THEMIS: variants seen among roughly 807,000 people sequenced by gnomAD.
THEMIS encodes protein THEMIS.
Under a neutral mutation model 52.6 loss-of-function variants are expected in THEMIS, and 37 were observed. That is an observed-to-expected ratio of 0.70 (90% CI 0.54 to 0.93). The LOEUF is 0.93. THEMIS is among the 40% of genes least tolerant of loss of function. The pLI, the probability that THEMIS is intolerant of heterozygous loss-of-function variation, is 0.00. For missense variants in THEMIS, 808 were observed against 763.1 expected, an observed-to-expected ratio of 1.06 and a Z score of -0.69; for synonymous variants, 292 against 272.7, an observed-to-expected ratio of 1.07 and a Z score of -0.70.
At chr6:127,712,959 T>G (rs1774033046) in intron 5 of THEMIS, among the ~76,000 whole-genome samples, 1 of 151,892 alleles carries the variant, frequency 6.6e-6, no homozygotes, top group Admixed American at 6.6e-5. Context: ...CCTAAAGTGT[T>G]AATTTGAAGG....
chr6:127,718,030 G>T (rs1398828967), intron 5 of THEMIS, among the ~76,000 whole-genome samples: 1 of 151,680 alleles, frequency 6.6e-6, no homozygotes, highest in African/African-American at 2.4e-5. Flanking sequence ...TGTTAAGTAT[G>T]GCTCCAGTGA....
At chr6:127,833,735 T>C (rs947076946) in intron 2 of THEMIS, among the ~76,000 whole-genome samples, 1 of 152,126 alleles carries the variant, frequency 6.6e-6, no homozygotes, top group African/African-American at 2.4e-5. Context: ...TAAAGATGAA[T>C]AGAGATACTT....
intron 4 of THEMIS, among the ~76,000 whole-genome samples, chr6:127,757,176 A>G: frequency 6.6e-6 from 1 of 152,198 alleles, no homozygotes; most frequent in East Asian, 1.9e-4. Flanking sequence ...AAATGTTAGA[A>G]GCCCCAAGTG....
intron 5 of THEMIS, among the ~76,000 whole-genome samples, 176 bp from the exon 6 acceptor site, chr6:127,710,192 G>A (rs1038219743): frequency 2.6e-5 from 4 of 151,576 alleles, no homozygotes; most frequent in African/African-American, 9.7e-5. Context: ...ACAGAAGAAA[G>A]TAAGCTTTTC....
At chr6:127,710,368 T>G (rs1562206192) in intron 5 of THEMIS, among the ~76,000 whole-genome samples, 1 of 151,948 alleles carries the variant, frequency 6.6e-6, no homozygotes, top group East Asian at 1.9e-4. Flanking sequence ...CTCAGTGAAG[T>G]TGAGACCTGC....
At chr6:127,911,718 A>G (rs940946367) in intron 1 of THEMIS, among the ~76,000 whole-genome samples, 3 of 151,358 alleles carry the variant, frequency 2.0e-5, no homozygotes, top group East Asian at 1.9e-4. Flanking sequence ...ACCTCTGCCT[A>G]CATTTCAAAG....
At chr6:127,890,411 G>A (rs1217649949) in intron 1 of THEMIS, among the ~76,000 whole-genome samples, 2 of 152,126 alleles carry the variant, frequency 1.3e-5, no homozygotes, top group African/African-American at 4.8e-5. Flanking sequence ...AGAGTAGAAT[G>A]GTGGTTACCA....
intron 3 of THEMIS, among the ~76,000 whole-genome samples, chr6:127,816,139 C>T (rs1447281190): frequency 1.3e-5 from 2 of 152,152 alleles, no homozygotes; most frequent in Admixed American, 6.5e-5. Context: ...ACTCCCTCCT[C>T]TTTGATACAT....
chr6:127,747,191 C>CTATAATTATATTATATAAAATTGTATAT (rs1775473153), intron 4 of THEMIS, among the ~76,000 whole-genome samples: 4 of 101,446 alleles, frequency 3.9e-5, no homozygotes, highest in African/African-American at 1.5e-4. Context: ...TCTATAATTA[C>CTATAATTATATTATATAAAATTGTATAT]AGATATCTAT....
chr6:127,764,019 T>G, intron 4 of THEMIS, among the ~76,000 whole-genome samples: 1 of 151,926 alleles, frequency 6.6e-6, no homozygotes, highest in East Asian at 1.9e-4. Flanking sequence ...TTAGATGTAG[T>G]TAAGGAAGAA....
chr6:127,860,882 A>G (rs1779776870), intron 1 of THEMIS, among the ~76,000 whole-genome samples: 1 of 152,138 alleles, frequency 6.6e-6, no homozygotes, highest in Admixed American at 6.6e-5. Flanking sequence ...AGATTAAATA[A>G]AACTGTACTA....
intron 4 of THEMIS, among the ~76,000 whole-genome samples, chr6:127,756,067 A>T (rs898940907): frequency 6.6e-6 from 1 of 151,944 alleles, no homozygotes; most frequent in African/African-American, 2.4e-5. Context: ...CAAAACAAAA[A>T]ACCCAAAACC....
chr6:127,784,078 C>G (rs1380404321), intron 4 of THEMIS, among the ~76,000 whole-genome samples: 3 of 152,162 alleles, frequency 2.0e-5, no homozygotes, highest in Non-Finnish European at 4.4e-5. Context: ...GAGTTCATGT[C>G]CTTTGCAGGG....
At chr6:127,818,904 G>T (rs1254174373) in intron 3 of THEMIS, among the ~76,000 whole-genome samples, 2 of 151,864 alleles carry the variant, frequency 1.3e-5, no homozygotes, top group Admixed American at 6.6e-5. Context: ...CAGATCACAA[G>T]GTCAGGAGAT....
chr6:127,900,270 A>C (rs1781098223), intron 1 of THEMIS, among the ~76,000 whole-genome samples: 1 of 152,002 alleles, frequency 6.6e-6, no homozygotes, highest in Non-Finnish European at 1.5e-5. Context: ...TTGAACTCTG[A>C]GTTTCAACAT....
At chr6:127,916,708 C>T (rs1026866903) in intron 1 of THEMIS, among the ~76,000 whole-genome samples, 1 of 152,332 alleles carries the variant, frequency 6.6e-6, no homozygotes, top group Admixed American at 6.5e-5. Flanking sequence ...CCTCCATATT[C>T]TGGCAGAGCC....
chr6:127,702,127 A>T, the THEMIS span, among the ~76,000 whole-genome samples: 4 of 151,946 alleles, frequency 2.6e-5, no homozygotes, highest in Non-Finnish European at 5.9e-5. Context: ...CATCTATAAG[A>T]AGTTTTTTAT....
At chr6:127,832,893 C>T (rs1048905661) in intron 2 of THEMIS, among the ~76,000 whole-genome samples, 1 of 143,668 alleles carries the variant, frequency 7.0e-6, no homozygotes, top group African/African-American at 2.6e-5. Flanking sequence ...AAGTGATTCT[C>T]CTGCCTCAGC....
chr6:127,863,920 A>G (rs1583369169), intron 1 of THEMIS, among the ~76,000 whole-genome samples: 2 of 152,288 alleles, frequency 1.3e-5, no homozygotes, highest in East Asian at 3.9e-4. Flanking sequence ...TGAGCAGCAA[A>G]TGTAGGGAAA....
Sources: gnomAD v4.1 joint callset for allele counts (sites outside exome capture counted in the v4.1 genomes callset) on GRCh38, gnomAD v4.1.1 for gene constraint, MANE v1.5 for transcripts, NCBI Gene and HGNC (gene_info 2026-07-23, HGNC 2026-07-21) for gene names.